SLC13A3: variants seen among roughly 807,000 people sequenced by gnomAD.
The protein encoded by SLC13A3 is Na(+)/dicarboxylate cotransporter 3.
A neutral mutation model predicts 59.0 loss-of-function variants in SLC13A3; 40 were observed. The ratio of observed to expected loss-of-function variants is 0.68; its 90% CI spans 0.53 to 0.88. The LOEUF is 0.88. Among genes scored for constraint, SLC13A3 ranks in the 40% least tolerant of loss-of-function variants. The pLI, the probability that SLC13A3 is intolerant of heterozygous loss-of-function variation, is 0.00. For missense variants in SLC13A3, 699 were observed against 783.2 expected, an observed-to-expected ratio of 0.89 and a Z score of 1.28; for synonymous variants, 317 against 330.3, an observed-to-expected ratio of 0.96 and a Z score of 0.44.
chr20:46,564,193 T>C (rs1385400886), intron 11 of SLC13A3, among the ~76,000 whole-genome samples: 1 of 152,230 alleles, frequency 6.6e-6, no homozygotes, highest in African/African-American at 2.4e-5. Context: ...CATCCCTGGA[T>C]TTCAGTGAGA....
chr20:46,586,142 C>A (rs917655964), intron 8 of SLC13A3, among the ~76,000 whole-genome samples: 2 of 152,080 alleles, frequency 1.3e-5, no homozygotes, highest in Admixed American at 1.3e-4. Flanking sequence ...AATATAGCTA[C>A]CAAAAAATTT....
chr20:46,559,414 A>G lies in SLC13A3; in HGVS notation c.*608T>C, dbSNP rs533547362. ...CAGCAAAGAGGCTTTGCACAGTCTC[A>G]TGTCCTTGGAAAGCTATCTGTCCCT... is the stretch of plus-strand genomic sequence containing the variant. On this transcript the variant is annotated 3_prime_UTR_variant, in exon 13 of 13. Coordinates refer to ENST00000279027, the MANE Select transcript of SLC13A3 (RefSeq NM_022829.6). 3 of 152,472 alleles carry G rather than the reference A, an allele frequency of 2.0e-5. No individual in the cohort carries two copies. The South Asian group carries it at 6.2e-4, about 32-fold the overall frequency. The allele number at this position is 152,472 out of a possible 1,614,324, so 9.4% of individuals were successfully genotyped here.
chr20:46,617,194 C>T (rs993311903), intron 1 of SLC13A3, among the ~76,000 whole-genome samples: 1 of 152,206 alleles, frequency 6.6e-6, no homozygotes, highest in Non-Finnish European at 1.5e-5. Flanking sequence ...AGAGAAAAAG[C>T]TTGATCCAAG....
At chr20:46,670,817 A>G (rs898044678), upstream of SLC13A3, among the ~76,000 whole-genome samples, 3 of 152,186 alleles carry the variant, frequency 2.0e-5, no homozygotes, top group Non-Finnish European at 4.4e-5. Flanking sequence ...AGAAACCAAC[A>G]TGAACCAACC....
chr20:46,561,026 A>G (rs982925359), intron 12 of SLC13A3, among the ~76,000 whole-genome samples: 2 of 152,226 alleles, frequency 1.3e-5, no homozygotes, highest in African/African-American at 4.8e-5. Flanking sequence ...GCTAAAGAGA[A>G]AAGTCAAACT....
intron 1 of SLC13A3, chr20:46,613,974 C>G (rs1174381068): frequency 6.8e-6 from 3 of 443,686 alleles, no homozygotes; most frequent in African/African-American, 6.0e-5. Flanking sequence ...AATGAGGAAG[C>G]TATTTTGGTT....
At chr20:46,569,328 C>G (rs1439480029) in intron 10 of SLC13A3, among the ~76,000 whole-genome samples, 1 of 152,074 alleles carries the variant, frequency 6.6e-6, no homozygotes, top group African/African-American at 2.4e-5. Flanking sequence ...AGCTTTGTTT[C>G]CTTGGAAACA....
chr20:46,566,478 G>A (rs753678788), intron 10 of SLC13A3, 88 bp from the exon 11 acceptor site: 8 of 1,430,974 alleles, frequency 5.6e-6, no homozygotes, highest in Non-Finnish European at 7.6e-6. Context: ...CAACAATGAC[G>A]ACCATACCCC....
intron 1 of SLC13A3, among the ~76,000 whole-genome samples, chr20:46,635,811 G>T (rs2122834117): frequency 6.6e-6 from 1 of 152,324 alleles, no homozygotes; most frequent in Non-Finnish European, 1.5e-5. Context: ...ACAGGATGCA[G>T]CAAAGAAGCT....
chr20:46,574,240 G>A (rs561302909), intron 10 of SLC13A3, among the ~76,000 whole-genome samples: 13 of 152,154 alleles, frequency 8.5e-5, no homozygotes, highest in African/African-American at 1.7e-4. Context: ...TTTGGAGCCC[G>A]GACTCTGAAA....
intron 12 of SLC13A3, among the ~76,000 whole-genome samples, chr20:46,562,716 C>T (rs2745727): frequency 0.71 from 108,161 of 151,734 alleles, 38,765 homozygotes; most frequent in East Asian, 0.87. Context: ...CTGTAATGAA[C>T]GAACAAATCA....
chr20:46,599,784 T>C (rs1320846698), intron 4 of SLC13A3, among the ~76,000 whole-genome samples, 187 bp downstream of exon 4: 1 of 151,374 alleles, frequency 6.6e-6, no homozygotes, highest in Non-Finnish European at 1.5e-5. Flanking sequence ...CATGTCTGCA[T>C]TTTTTTTTAA....
At chr20:46,616,189 A>C (rs897738767) in intron 1 of SLC13A3, among the ~76,000 whole-genome samples, 1 of 152,234 alleles carries the variant, frequency 6.6e-6, no homozygotes, top group African/African-American at 2.4e-5. Context: ...GATATCTTTG[A>C]GAATCACAAG....
At chr20:46,592,356 C>T (rs1384632644) in intron 6 of SLC13A3, 48 bp downstream of exon 6, 2 of 1,609,054 alleles carry the variant, frequency 1.2e-6, no homozygotes, top group Non-Finnish European at 1.7e-6. Flanking sequence ...GTTAGAAACG[C>T]CATTCCCTGC....
In SLC13A3 at chr20:46,626,214, C is replaced by T. The variant is rs553285055; in HGVS notation, c.112-12489G>A. Among the ~76,000 whole-genome samples the T allele has an allele frequency of 4.7e-5, 7 of 148,464 alleles. No individual in the cohort carries two copies. In the South Asian group the frequency reaches 1.5e-3, roughly 33 times the overall value. ...CTTCTTCCCACTCCCTCTGTCTGTC[C>T]TCTCTCTCCCTCCCCCTCCTTTTCT... On this transcript the variant is annotated intron_variant, in intron 1 of 12. Transcript: ENST00000279027.
chr20:46,670,601 GA>G (rs1324827405), upstream of SLC13A3, among the ~76,000 whole-genome samples: 11 of 152,144 alleles, frequency 7.2e-5, no homozygotes, highest in African/African-American at 2.2e-4. Flanking sequence ...ACTAAATGAT[GA>G]AAGACTCCAT....
At chr20:46,606,052 C>G (rs1318265288) in intron 3 of SLC13A3, among the ~76,000 whole-genome samples, 1 of 152,184 alleles carries the variant, frequency 6.6e-6, no homozygotes, top group Non-Finnish European at 1.5e-5. Context: ...ATTTATTGAA[C>G]ATCTACTATG....
chr20:46,575,963 T>C (rs891206696), intron 9 of SLC13A3, among the ~76,000 whole-genome samples: 6 of 152,188 alleles, frequency 3.9e-5, no homozygotes, highest in Non-Finnish European at 8.8e-5. Context: ...CCAACAGCCC[T>C]TGGGCACAAG....
chr20:46,582,550 C>T (rs950509132), intron 9 of SLC13A3: 1 of 761,416 alleles, frequency 1.3e-6, no homozygotes, highest in African/African-American at 1.9e-5. Flanking sequence ...CTGCGCTGAG[C>T]TGTGATGGTG....
Sources: gnomAD v4.1 joint callset for allele counts (sites outside exome capture counted in the v4.1 genomes callset) on GRCh38, gnomAD v4.1.1 for gene constraint, MANE v1.5 for transcripts, NCBI Gene and HGNC (gene_info 2026-07-23, HGNC 2026-07-21) for gene names.